MYH15: variants seen among roughly 807,000 people sequenced by gnomAD.
MYH15 encodes myosin heavy chain 15.
MYH15 carries 227 observed loss-of-function variants against 240.5 expected under a neutral mutation model. That is an observed-to-expected ratio of 0.94 (90% confidence interval 0.85 to 1.05). The LOEUF (loss-of-function observed/expected upper bound fraction) is 1.05. MYH15 is among the 50% of genes least tolerant of loss of function. The pLI, the probability that MYH15 is intolerant of heterozygous loss-of-function variation, is 0.00. For synonymous variants in MYH15, 785 were observed against 796.7 expected, an observed-to-expected ratio of 0.99 and a Z score of 0.25; for missense variants, 2,217 against 2,247.5, an observed-to-expected ratio of 0.99 and a Z score of 0.27.
upstream of MYH15, among the ~76,000 whole-genome samples, chr3:108,531,721 G>A (rs2083711263): frequency 1.3e-5 from 2 of 151,998 alleles, no homozygotes; most frequent in South Asian, 2.1e-4. Flanking sequence ...AGCTTGCAGT[G>A]AGACGAGATC....
chr3:108,523,277 T>C (rs1348948593), intron 1 of MYH15, among the ~76,000 whole-genome samples: 1 of 152,024 alleles, frequency 6.6e-6, no homozygotes, highest in Non-Finnish European at 1.5e-5. Flanking sequence ...ACTCTTCTCT[T>C]TCTATAATGA....
rs906671832 is a variant in MYH15, at chr3:108,437,652, T to A, written c.3123A>T (p.Glu1041Asp). ...TGCCCTCCAGTTTGTGCAGTTCCCTTTCACAGTTCATTCTCGCTTTTCTCT... is the reference window on the plus strand; with the variant it reads ...TGCCCTCCAGTTTGTGCAGTTCCCTATCACAGTTCATTCTCGCTTTTCTCT... ...EQERKARMNC[E>D]RELHKLEGNL... Residue 1041 changes from glutamate to aspartate, a missense_variant, in exon 25 of 41, where the codon GAA becomes GAT. By Grantham distance (45) the Glu-to-Asp change is conservative (BLOSUM62 2). Coordinates refer to ENST00000693548, the MANE Select transcript of MYH15 (RefSeq NM_014981.3). 6.2e-7 allele frequency: 1 copy of A among 1,614,046 alleles called. No individual in the cohort carries two copies. Among genetic ancestry groups the A allele is most frequent in the Admixed American group, 1.7e-5 (1 of 60,006 alleles).
Position 108,456,819 on chromosome 3 carries a change from C to T in MYH15, c.2085G>A (p.Arg695=). ...GGTTTGGAAAACCTTCACGGCATAT[C>T]CTAGTCCCTTCCAAGACACCATTAC... ...LRCNGVLEGT[R]ICREGFPNRL... is the part of the protein sequence containing the mutation. Residue 695 remains arginine, a synonymous_variant, in exon 19 of 41, where the codon AGG becomes AGA. Transcript: ENST00000693548. 6.2e-7 allele frequency: 1 copy of T among 1,613,766 alleles called. No homozygotes were observed.
At chr3:108,431,980 C>A (rs1438551266) in intron 25 of MYH15, among the ~76,000 whole-genome samples, 1 of 152,098 alleles carries the variant, frequency 6.6e-6, no homozygotes, top group Non-Finnish European at 1.5e-5. Flanking sequence ...AGAGATATGA[C>A]TTAGGGTACC....
chr3:108,432,040 GC>G (rs1466322710), intron 25 of MYH15, among the ~76,000 whole-genome samples: 1 of 149,700 alleles, frequency 6.7e-6, no homozygotes, highest in African/African-American at 2.4e-5. Context: ...TGACTTGGGT[GC>G]TGTTAAATGC....
At chr3:108,420,909 G>C (rs1051994218) in intron 28 of MYH15, among the ~76,000 whole-genome samples, 179 bp downstream of exon 28, 13 of 152,056 alleles carry the variant, frequency 8.5e-5, no homozygotes, top group African/African-American at 2.9e-4. Flanking sequence ...GTGGCACAGA[G>C]GTAACACTTC....
chr3:108,384,647 C>G (rs753456243), intron 39 of MYH15, 40 bp downstream of exon 39: 9 of 1,561,448 alleles, frequency 5.8e-6, no homozygotes, highest in African/African-American at 1.4e-5. Flanking sequence ...CAAAACAACA[C>G]TGGGAAATCC....
In MYH15 at chr3:108,381,387, T is replaced by C. The variant is rs971651790; in HGVS notation, c.*158A>G. 1.2e-6 allele frequency: 1 copy of C among 816,476 alleles called. No homozygotes were observed. The allele number at this position is 816,476 out of a possible 1,614,324, so 50.6% of individuals were successfully genotyped here. On this transcript the variant is annotated 3_prime_UTR_variant, in exon 41 of 41. Transcript: ENST00000693548. ...TCCCCATTAACTGTGGAAGCAATGA[T>C]ATTCCCTTTAATTATTTTTCTAATT...
chr3:108,516,601 G>T (rs2083574591), intron 1 of MYH15, among the ~76,000 whole-genome samples: 1 of 152,176 alleles, frequency 6.6e-6, no homozygotes, highest in Admixed American at 6.6e-5. Context: ...TATTCATGCT[G>T]CTGGGATAAT....
chr3:108,460,363 T>G lies in MYH15; in HGVS notation c.1869A>C (p.Ile623=). Residue 623 remains isoleucine (I), a synonymous_variant, in exon 17 of 41, where the codon ATA becomes ATC. Transcript: ENST00000693548. ...TCTTTCGTTTCTTCTCCCCAAATGG[T>G]ATAGCTAGCAAAAAAAAAAAAAGAA... ...FENYMSTDSA[I]PFGEKKRKKG... The G allele has an allele frequency of 6.4e-7, 1 of 1,555,552 alleles. No homozygotes were observed. The highest frequency in any genetic ancestry group is 1.2e-5 in the South Asian group (1 of 82,820).
At chr3:108,492,641 C>T in intron 8 of MYH15, 46 bp from the exon 9 acceptor site, 2 of 1,443,470 alleles carry the variant, frequency 1.4e-6, no homozygotes, top group Non-Finnish European at 1.9e-6. Flanking sequence ...GGCATTCTTG[C>T]AAAATGTAGA....
At chr3:108,394,905 T>G (rs1365638363) in intron 35 of MYH15, among the ~76,000 whole-genome samples, 2 of 152,244 alleles carry the variant, frequency 1.3e-5, no homozygotes, top group African/African-American at 4.8e-5. Flanking sequence ...TTTCACTTTA[T>G]CCGTTTCACA....
chr3:108,503,072 C>T (rs1054341541), intron 2 of MYH15, among the ~76,000 whole-genome samples: 3 of 152,072 alleles, frequency 2.0e-5, no homozygotes, highest in African/African-American at 7.2e-5. Flanking sequence ...AGTGTAGTCA[C>T]TTCTAACATG....
intron 12 of MYH15, among the ~76,000 whole-genome samples, chr3:108,473,327 G>A (rs2083193347): frequency 6.6e-6 from 1 of 152,124 alleles, no homozygotes; most frequent in Admixed American, 6.5e-5. Flanking sequence ...TAACTATGTT[G>A]ATCCCTCTCT....
chr3:108,393,330 CT>C (rs1240199712), intron 36 of MYH15, among the ~76,000 whole-genome samples: 1 of 152,184 alleles, frequency 6.6e-6, no homozygotes, highest in African/African-American at 2.4e-5. Flanking sequence ...AAAGCTGAAT[CT>C]GCCACACACA....
At chr3:108,465,161 C>A (rs1191126522) in intron 14 of MYH15, among the ~76,000 whole-genome samples, 2 of 152,098 alleles carry the variant, frequency 1.3e-5, no homozygotes. Flanking sequence ...GGAAAACACT[C>A]AAAGTAAAGA....
intron 21 of MYH15, among the ~76,000 whole-genome samples, chr3:108,445,321 C>A (rs1456400039): frequency 2.0e-5 from 3 of 151,962 alleles, no homozygotes; most frequent in Admixed American, 6.6e-5. Flanking sequence ...AAGAATCTTA[C>A]CCTTAATAAA....
intron 5 of MYH15, 106 bp from the exon 6 acceptor site, chr3:108,498,251 C>T: frequency 1.1e-6 from 1 of 933,802 alleles, no homozygotes; most frequent in South Asian, 1.5e-5. Context: ...GAAGCTTTTA[C>T]ATAAAAGTAG....
chr3:108,514,637 G>T (rs2083546860), upstream of MYH15, among the ~76,000 whole-genome samples: 1 of 152,058 alleles, frequency 6.6e-6, no homozygotes, highest in South Asian at 2.1e-4. Context: ...CTTTGGGGTG[G>T]GGGGGTGGAG....
Sources: allele counts gnomAD v4.1 joint callset (sites outside exome capture counted in the v4.1 genomes callset), GRCh38; gene constraint gnomAD v4.1.1; transcripts MANE v1.5; gene names NCBI Gene and HGNC (gene_info 2026-07-23, HGNC 2026-07-21).